Variants in SLC26A8 observed in about 807,000 individuals in gnomAD.
SLC26A8 encodes the protein testis anion transporter 1.
In SLC26A8, 70 loss-of-function variants were observed where a neutral mutation model predicts 105.0. That is an observed-to-expected ratio of 0.67 (90% CI 0.55 to 0.81). The LOEUF is 0.81. Among genes scored for constraint, SLC26A8 ranks in the 40% least tolerant of loss-of-function variants. SLC26A8 has a pLI of 0.00. For missense variants in SLC26A8, 998 were observed against 1,181.8 expected, an observed-to-expected ratio of 0.84 and a Z score of 2.28; for synonymous variants, 415 against 438.3, an observed-to-expected ratio of 0.95 and a Z score of 0.66.
In SLC26A8 at chr6:36,024,395, C is replaced by T. The variant is rs1162614768; in HGVS notation, c.-3+109G>A. The T allele has an allele frequency of 1.1e-5, 5 of 447,052 alleles. No individual in the cohort carries two copies. In the Admixed American group the frequency reaches 1.2e-4, roughly 11 times the overall value. 27.7% of individuals were successfully genotyped at this position (447,052 alleles called of 1,614,324 possible). A position where few individuals can be genotyped will look rare whatever the true frequency, so the allele number is the denominator to read the frequency against. On this transcript the variant is annotated intron_variant, in intron 1 of 19. Coordinates refer to ENST00000490799, the MANE Select transcript of SLC26A8 (RefSeq NM_052961.4). ...TCCACAGATACTGACTGAGTGCCCA[C>T]GGCGTGCCTGGCTCTGCGGCATACC...
Position 36,012,247 on chromosome 6 carries a change from AC to A in SLC26A8, c.313del (p.Val105CysfsTer7). On this transcript the variant is annotated frameshift_variant, in exon 3 of 20. Transcript: ENST00000490799. LOFTEE classifies it high-confidence loss of function. ...ATCTTCCTTACCTTGGGGAACTTGC[AC>A]AAGGCCAACACTTATACCAGCAAGT... is the stretch of plus-strand genomic sequence containing the variant. Reference protein sequence around the residue: ...DLLAGISVGLVQVPQGLTLSL... With the variant: ...DLLAGISVGLXQVPQGLTLSL... 6.2e-7 allele frequency: 1 copy of A among 1,612,542 alleles called. No homozygotes were observed. Among genetic ancestry groups the A allele is most frequent in the Non-Finnish European group, 8.5e-7 (1 of 1,179,526 alleles).
At position 36,024,619 on chromosome 6, in the gene SLC26A8, C is replaced by T. The variant is rs115523873; in HGVS notation, c.-118G>A. On this transcript the variant is annotated 5_prime_UTR_variant, in exon 1 of 20. Transcript: ENST00000490799. ...CGGTTCCCGAGCCGTTGTGGCCTAG[C>T]CCGCGGGCGTTCCGGGCGGGCTGAG... is the stretch of plus-strand genomic sequence containing the variant. 2.6e-6 allele frequency: 1 copy of T among 382,920 alleles called. No homozygotes were observed. Among genetic ancestry groups the T allele is most frequent in the African/African-American group, 2.1e-5 (1 of 47,704 alleles). The allele number at this position is 382,920 out of a possible 1,614,324, so 23.7% of individuals were successfully genotyped here.
intron 4 of SLC26A8, among the ~76,000 whole-genome samples, chr6:35,999,027 T>A (rs111286729): frequency 0.079 from 12,016 of 151,946 alleles, 521 homozygotes; most frequent in Non-Finnish European, 0.095. Flanking sequence ...CCCAAGTAGC[T>A]GGGATTACAG....
chr6:35,977,477 C>G (rs73729643), intron 8 of SLC26A8, 126 bp from the exon 9 acceptor site: 1 of 1,044,350 alleles, frequency 9.6e-7, no homozygotes, highest in Non-Finnish European at 1.3e-6. Flanking sequence ...TAGGGACAAG[C>G]GGAGTGATTG....
At chr6:35,998,887 T>C (rs1433151965) in intron 4 of SLC26A8, among the ~76,000 whole-genome samples, 1 of 152,136 alleles carries the variant, frequency 6.6e-6, no homozygotes, top group Non-Finnish European at 1.5e-5. Flanking sequence ...CTATTCTTTA[T>C]TTTTATTATT....
At chr6:35,964,846 A>G (rs529405066) in intron 11 of SLC26A8, among the ~76,000 whole-genome samples, 1 of 151,882 alleles carries the variant, frequency 6.6e-6, no homozygotes, top group East Asian at 1.9e-4. Context: ...GTGCACCTGT[A>G]ATCCCAGCTA....
chr6:36,000,934 T>G (rs1761502733), intron 3 of SLC26A8, among the ~76,000 whole-genome samples: 1 of 152,220 alleles, frequency 6.6e-6, no homozygotes, highest in Non-Finnish European at 1.5e-5. Flanking sequence ...CACCCTATAT[T>G]ACTTTGAGGC....
At chr6:36,004,811 C>T (rs920755349) in intron 3 of SLC26A8, among the ~76,000 whole-genome samples, 3 of 149,924 alleles carry the variant, frequency 2.0e-5, no homozygotes, top group African/African-American at 7.4e-5. Context: ...CACCACCACA[C>T]CTAGTTAAAT....
At chr6:35,946,099 ATAATTTTCAT>A (rs1222117260) in intron 19 of SLC26A8, among the ~76,000 whole-genome samples, 1 of 152,136 alleles carries the variant, frequency 6.6e-6, no homozygotes, top group Non-Finnish European at 1.5e-5. Flanking sequence ...TTTTGGGCCC[ATAATTTTCAT>A]TACCATCTAT....
At chr6:36,018,980 G>A (rs1485560298) in intron 2 of SLC26A8, among the ~76,000 whole-genome samples, 1 of 152,104 alleles carries the variant, frequency 6.6e-6, no homozygotes, top group East Asian at 1.9e-4. Context: ...AGGCTAGAGT[G>A]TAGTGGCACA....
intron 10 of SLC26A8, among the ~76,000 whole-genome samples, chr6:35,970,238 G>C (rs188805778): frequency 1.9e-4 from 29 of 152,168 alleles, no homozygotes; most frequent in South Asian, 4.2e-4. Context: ...TTTTACGTAG[G>C]GGGGGAAAAC....
At chr6:36,015,491 T>C (rs1378537588) in intron 2 of SLC26A8, among the ~76,000 whole-genome samples, 1 of 152,048 alleles carries the variant, frequency 6.6e-6, no homozygotes, top group Non-Finnish European at 1.5e-5. Context: ...GTTTTAGAAG[T>C]AGGGAGTAAC....
At chr6:35,952,548 C>T (rs933104857) in intron 17 of SLC26A8, among the ~76,000 whole-genome samples, 6 of 152,098 alleles carry the variant, frequency 3.9e-5, no homozygotes, top group African/African-American at 9.7e-5. Flanking sequence ...TCAAAAGAAA[C>T]GAACTCTGCT....
chr6:35,971,701 G>T (rs1056000729), intron 10 of SLC26A8, among the ~76,000 whole-genome samples: 3 of 152,120 alleles, frequency 2.0e-5, no homozygotes, highest in Admixed American at 1.3e-4. Flanking sequence ...ATGGAGTCAG[G>T]TTCAACCTCC....
At chr6:35,985,130 T>C (rs1773442725) in intron 7 of SLC26A8, among the ~76,000 whole-genome samples, 1 of 152,160 alleles carries the variant, frequency 6.6e-6, no homozygotes, top group Non-Finnish European at 1.5e-5. Context: ...GCCTATGATA[T>C]GGAAGCCCCC....
intron 7 of SLC26A8, among the ~76,000 whole-genome samples, chr6:35,984,062 T>C (rs1397083956): frequency 6.6e-6 from 1 of 152,194 alleles, no homozygotes; most frequent in Non-Finnish European, 1.5e-5. Flanking sequence ...ATCCCTGCTA[T>C]GTGGCAGAAA....
At chr6:35,982,978 A>G (rs1033906756) in intron 7 of SLC26A8, among the ~76,000 whole-genome samples, 2 of 152,258 alleles carry the variant, frequency 1.3e-5, no homozygotes, top group African/African-American at 4.8e-5. Flanking sequence ...TATAGCTTAT[A>G]AAGACTGCGT....
At chr6:36,012,752 CTG>C (rs1562072767) in intron 2 of SLC26A8, among the ~76,000 whole-genome samples, 1 of 152,292 alleles carries the variant, frequency 6.6e-6, no homozygotes, top group East Asian at 1.9e-4. Context: ...GTAATCAGTT[CTG>C]TGTTTTCACA....
intron 3 of SLC26A8, among the ~76,000 whole-genome samples, chr6:36,003,799 T>C (rs1761598656): frequency 6.6e-6 from 1 of 151,828 alleles, no homozygotes; most frequent in South Asian, 2.1e-4. Context: ...GTAGCTGGGA[T>C]TACAGGTGCC....
Sources: allele counts gnomAD v4.1 joint callset (sites outside exome capture counted in the v4.1 genomes callset), GRCh38; gene constraint gnomAD v4.1.1; transcripts MANE v1.5; gene names NCBI Gene and HGNC (gene_info 2026-07-23, HGNC 2026-07-21).